The following ZYX variants were observed in gnomAD, a reference collection of about 807,000 sequenced individuals.
ZYX encodes zyxin-2.
Under a neutral mutation model 58.1 loss-of-function variants are expected in ZYX, and 37 were observed. The ratio of observed to expected loss-of-function variants is 0.64; its 90% CI spans 0.49 to 0.84. The LOEUF (loss-of-function observed/expected upper bound fraction) is 0.84. Among genes scored for constraint, ZYX ranks in the 40% least tolerant of loss-of-function variants. The probability of loss-of-function intolerance (pLI) is 0.00; values close to 1 mark genes in which losing one functional copy is unlikely to be tolerated. For missense variants in ZYX, 762 were observed against 761.6 expected (o/e 1.00, Z -0.01); for synonymous variants, 324 against 321.1 (o/e 1.01, Z -0.10).
At chr7:143,385,737 T>G (rs1396292553) in intron 5 of ZYX, among the ~76,000 whole-genome samples, 1 of 124,988 alleles carries the variant, frequency 8.0e-6, no homozygotes, top group African/African-American at 3.0e-5. Flanking sequence ...TCCGCCCCCC[T>G]GGCTCAAACG....
chr7:143,388,496 C>T lies in ZYX; in HGVS notation c.1152C>T (p.Cys384=), dbSNP rs377556976. Residue 384 remains cysteine, a synonymous_variant, in exon 7 of 10, where the codon TGC becomes TGT. Coordinates refer to ENST00000322764, the MANE Select transcript of ZYX (RefSeq NM_003461.5). This position sits in a 1 kb window ranked among gnomAD's most constrained non-coding sequence, Gnocchi z 7.5. The part of the protein sequence containing the change: ...QRQNVAVNEL[C]GRCHQPLARA... The stretch of plus-strand genomic sequence containing the variant: ...CTTCTCTGGCCTTCCCAGAACTCTG[C>T]GGCCGATGCCATCAACCCCTGGCCC... The T allele has an allele frequency of 2.8e-5, 45 of 1,609,758 alleles. No individual in the cohort carries two copies. In the African/African-American group the frequency reaches 2.9e-4, roughly 10 times the overall value.
At position 143,382,945 on chromosome 7, in the gene ZYX, G is replaced by T. The variant is rs866854302; in HGVS notation, c.646G>T (p.Ala216Ser). 1 of 1,613,706 alleles carries T rather than the reference G, an allele frequency of 6.2e-7. No homozygotes were observed. Among genetic ancestry groups the T allele is most frequent in the Non-Finnish European group, 8.5e-7 (1 of 1,179,742 alleles). Reference protein sequence around the residue: ...SQPLPQVPAPAQSQTQFHVQP... With the variant: ...SQPLPQVPAPSQSQTQFHVQP... ...GCCTCTGCCCCAGGTTCCGGCTCCGGCTCAGAGCCAGACACAGTTCCATGT... is the reference window on the plus strand; with the variant it reads ...GCCTCTGCCCCAGGTTCCGGCTCCGTCTCAGAGCCAGACACAGTTCCATGT... Residue 216 changes from alanine to serine, a missense_variant, in exon 5 of 10, where the codon GCT becomes TCT. By Grantham distance (99) the Ala-to-Ser change is moderately conservative (BLOSUM62 1). Coordinates refer to ENST00000322764, the MANE Select transcript of ZYX (RefSeq NM_003461.5).
At position 143,388,230 on chromosome 7, in the gene ZYX, TG is replaced by T; in HGVS notation, c.1039del (p.Ala347ProfsTer5). ...TGTTGGGATTGCAGGTGCGCTCCCC[TG>T]GGGCCCCAGGGCCCCTGACTCTGAA... ...AQNQNQVRSP[G>X]APGPLTLKEV... is the part of the protein sequence containing the mutation. On this transcript the variant is annotated frameshift_variant, in exon 6 of 10. Transcript: ENST00000322764. LOFTEE classifies it high-confidence loss of function. This position sits in a 1 kb window ranked among gnomAD's most constrained non-coding sequence, Gnocchi z 7.5. The T allele has an allele frequency of 6.2e-7, 1 of 1,606,948 alleles. No individual in the cohort carries two copies.
chr7:143,386,473 GGAGGTCGCGCGGGTGCTGCAGTGTTGT>G (rs1804871043), intron 5 of ZYX, among the ~76,000 whole-genome samples: 1 of 152,130 alleles, frequency 6.6e-6, no homozygotes, highest in South Asian at 2.1e-4. Flanking sequence ...AGGCTGGGCT[GGAGGTCGCGCGGGTGCTGCAGTGTTGT>G]GAGCTCACGC....
chr7:143,382,486 C>T, intron 3 of ZYX, 39 bp downstream of exon 3: 2 of 1,590,496 alleles, frequency 1.3e-6, no homozygotes, highest in South Asian at 2.2e-5. Context: ...CTGGACACCC[C>T]CAAGGAGAGG....
Position 143,381,739 on chromosome 7 carries a change from G to C in ZYX, c.168G>C (p.Gln56His). Residue 56 changes from glutamine to histidine, a missense_variant, in exon 2 of 10, where the codon CAG (glutamine) becomes CAC (histidine). Coordinates refer to ENST00000322764, the MANE Select transcript of ZYX (RefSeq NM_003461.5). ...PPPAPGAQRA[Q>H]MGRVGEIPPP... ...CGGCACCCGGGGCCCAGCGCGCACA[G>C]ATGGGCCGGGTGGGCGAGATTCCCC... is the stretch of plus-strand genomic sequence containing the variant. The C allele has an allele frequency of 1.3e-6, 2 of 1,595,316 alleles. No individual in the cohort carries two copies. The highest frequency in any genetic ancestry group is 1.7e-6 in the Non-Finnish European group (2 of 1,171,532).
chr7:143,388,698 G>T lies in ZYX; in HGVS notation c.1314+40G>T, dbSNP rs1329048949. ...GCTGGGCTGTGCTGGGCTGTGCTGGGCAGTCGGGCCCTGGAAGCTTGCTGT... is the reference window on the plus strand; with the variant it reads ...GCTGGGCTGTGCTGGGCTGTGCTGGTCAGTCGGGCCCTGGAAGCTTGCTGT... On this transcript the variant is annotated intron_variant, in intron 7 of 9. Coordinates refer to ENST00000322764, the MANE Select transcript of ZYX (RefSeq NM_003461.5). The surrounding 1 kb of genome is among the most constrained non-coding windows in gnomAD (Gnocchi z 7.5). 6.2e-7 allele frequency: 1 copy of T among 1,611,368 alleles called. No homozygotes were observed. Among genetic ancestry groups the T allele is most frequent in the Admixed American group, 1.7e-5 (1 of 59,886 alleles).
At chr7:143,386,603 C>T (rs1804875541) in intron 5 of ZYX, among the ~76,000 whole-genome samples, 1 of 151,624 alleles carries the variant, frequency 6.6e-6, no homozygotes, top group Non-Finnish European at 1.5e-5. Context: ...GAGACTGGGC[C>T]GGATAGCTGC....
At position 143,389,792 on chromosome 7, in the gene ZYX, T is replaced by TATGCGTGCG; in HGVS notation, c.1494-64_1494-56dup. On this transcript the variant is annotated intron_variant, in intron 8 of 9. Coordinates refer to ENST00000322764, the MANE Select transcript of ZYX (RefSeq NM_003461.5). The surrounding 1 kb of genome is among the most constrained non-coding windows in gnomAD (Gnocchi z 5.6). ...TGCTTCCTTGCTGCCCAACCTGGCT[T>TATGCGTGCG]ATGCGTGCGCACACCGGGGATGAAA... 1 of 1,595,398 alleles carries TATGCGTGCG rather than the reference T, an allele frequency of 6.3e-7. No homozygotes were observed. Among genetic ancestry groups the TATGCGTGCG allele is most frequent in the Non-Finnish European group, 8.5e-7 (1 of 1,172,728 alleles).
Position 143,390,189 on chromosome 7 carries a change from A to AT in ZYX, c.1614+213dup, listed in dbSNP as rs1191091890. The stretch of plus-strand genomic sequence containing the variant: ...GGGGCTTCTGAGGTCACTTTGAGTC[A>AT]TGGATAAGCCAAGAAATGGGACAAG... On this transcript the variant is annotated intron_variant, in intron 9 of 9. Transcript: ENST00000322764. This position sits in a 1 kb window ranked among gnomAD's most constrained non-coding sequence, Gnocchi z 4.3. 1 of 630,128 alleles carries AT rather than the reference A, an allele frequency of 1.6e-6. No individual in the cohort carries two copies. Among genetic ancestry groups the AT allele is most frequent in the Middle Eastern group, 4.2e-4 (1 of 2,398 alleles). The allele number at this position is 630,128 out of a possible 1,614,324, so 39.0% of individuals were successfully genotyped here.
Position 143,389,013 on chromosome 7 carries a change from C to G in ZYX, c.1493+68C>G, listed in dbSNP as rs1804973024. ...GTCTGGTAGCCCGGCTGCTTGCTAC[C>G]CTAGCCTCAGGACAGCCCCAAACCC... On this transcript the variant is annotated intron_variant, in intron 8 of 9. Coordinates refer to ENST00000322764, the MANE Select transcript of ZYX (RefSeq NM_003461.5). This position sits in a 1 kb window ranked among gnomAD's most constrained non-coding sequence, Gnocchi z 5.6. The G allele has an allele frequency of 6.5e-7, 1 of 1,540,276 alleles. No individual in the cohort carries two copies. Among genetic ancestry groups the G allele is most frequent in the Admixed American group, 1.8e-5 (1 of 55,402 alleles).
At position 143,383,041 on chromosome 7, in the gene ZYX, G is replaced by A; in HGVS notation, c.742G>A (p.Ala248Thr). 1 of 1,614,068 alleles carries A rather than the reference G, an allele frequency of 6.2e-7. No homozygotes were observed. Among genetic ancestry groups the A allele is most frequent in the South Asian group, 1.1e-5 (1 of 91,074 alleles). The stretch of plus-strand genomic sequence containing the variant: ...GTCCCAGACCCAGCCTGTGTCTTTG[G>A]CTAACACCCAGCCCCGAGGGCCCCC... ...VQSQTQPVSL[A>T]NTQPRGPPAS... is the part of the protein sequence containing the mutation. Residue 248 changes from alanine to threonine, a missense_variant, in exon 5 of 10, where the codon GCT becomes ACT. Ala to Thr is a moderately conservative substitution (Grantham distance 58, BLOSUM62 0). Transcript: ENST00000322764.
Position 143,390,059 on chromosome 7 carries a change from A to T in ZYX, c.1614+82A>T. 6.3e-7 allele frequency: 1 copy of T among 1,575,668 alleles called. No homozygotes were observed. Among genetic ancestry groups the T allele is most frequent in the Non-Finnish European group, 8.7e-7 (1 of 1,154,964 alleles). On this transcript the variant is annotated intron_variant, in intron 9 of 9. Coordinates refer to ENST00000322764, the MANE Select transcript of ZYX (RefSeq NM_003461.5). This position sits in a 1 kb window ranked among gnomAD's most constrained non-coding sequence, Gnocchi z 4.3. ...GCTGCTTACTAACTGGGAGGTGGAA[A>T]GCACCAGCATTCAGGAAACAGGGCT...
chr7:143,381,993 G>A lies in ZYX; in HGVS notation c.208+214G>A, dbSNP rs1193655449. ...AGTCCCCCGCCTGGGAGTGGGAGTC[G>A]GGAATGTGGGGCACGAATCTTCCCC... On this transcript the variant is annotated intron_variant, in intron 2 of 9. Coordinates refer to ENST00000322764, the MANE Select transcript of ZYX (RefSeq NM_003461.5). 9 of 614,080 alleles carry A rather than the reference G, an allele frequency of 1.5e-5. No individual in the cohort carries two copies. The Admixed American group carries it at 2.6e-4, about 18-fold the overall frequency. 38.0% of individuals were successfully genotyped at this position (614,080 alleles called of 1,614,324 possible).
rs1341153792 is a variant in ZYX, at chr7:143,388,029, C to T, written c.1024-190C>T. On this transcript the variant is annotated intron_variant, in intron 5 of 9. Coordinates refer to ENST00000322764, the MANE Select transcript of ZYX (RefSeq NM_003461.5). The surrounding 1 kb of genome is among the most constrained non-coding windows in gnomAD (Gnocchi z 7.5). ...ACGAGATCCAGGCTTAGGTCCCTTC[C>T]CCTGTTATTTGTGTGGTGCTGGGGA... 4.5e-6 allele frequency: 3 copies of T among 660,324 alleles called. No individual in the cohort carries two copies. The highest frequency in any genetic ancestry group is 2.5e-5 in the Admixed American group (1 of 39,966). The allele number at this position is 660,324 out of a possible 1,614,324, so 40.9% of individuals were successfully genotyped here. A position where few individuals can be genotyped will look rare whatever the true frequency, so the allele number is the denominator to read the frequency against.
At position 143,381,763 on chromosome 7, in the gene ZYX, C is replaced by A. The variant is rs371579974; in HGVS notation, c.192C>A (p.Pro64=). 92 of 1,577,230 alleles carry A rather than the reference C, an allele frequency of 5.8e-5. 1 individual carries two copies. The South Asian group carries it at 9.7e-4, about 17-fold the overall frequency. The change falls in exon 2 of 10, where the codon CCC becomes CCA. Residue 64 remains proline, a synonymous_variant. Transcript: ENST00000322764. ...RAQMGRVGEI[P]PPPPEDFPLP... is the part of the protein sequence containing the mutation. ...AGATGGGCCGGGTGGGCGAGATTCC[C>A]CCGCCGCCCCCGGAAGGTATGCGGC...
Position 143,383,242 on chromosome 7 carries a change from A to C in ZYX, c.943A>C (p.Thr315Pro), listed in dbSNP as rs548993872. Reference protein sequence around the residue: ...GTGSPQPPSFTYAQQREKPRV... With the variant: ...GTGSPQPPSFPYAQQREKPRV... ...AGGCTCCCCTCAACCTCCCAGCTTC[A>C]CCTATGCCCAGCAGAGGGAGAAGCC... Residue 315 changes from threonine (T) to proline (P), a missense_variant, in exon 5 of 10, where the codon ACC becomes CCC. Coordinates refer to ENST00000322764, the MANE Select transcript of ZYX (RefSeq NM_003461.5). 2 of 1,613,900 alleles carry C rather than the reference A, an allele frequency of 1.2e-6. No homozygotes were observed. Among genetic ancestry groups the C allele is most frequent in the East Asian group, 4.5e-5 (2 of 44,824 alleles).
chr7:143,383,221 T>C lies in ZYX; in HGVS notation c.922T>C (p.Ser308Pro), dbSNP rs915946891. 2 of 1,613,906 alleles carry C rather than the reference T, an allele frequency of 1.2e-6. No homozygotes were observed. The highest frequency in any genetic ancestry group is 1.3e-5 in the African/African-American group (1 of 74,906). ...HPEALSAGTG[S>P]PQPPSFTYAQ... Reference sequence around the variant, plus strand: ...CGAAGCTCTTTCTGCTGGCACAGGCTCCCCTCAACCTCCCAGCTTCACCTA... The same window carrying C: ...CGAAGCTCTTTCTGCTGGCACAGGCCCCCCTCAACCTCCCAGCTTCACCTA... The change falls in exon 5 of 10, where the codon TCC becomes CCC. Residue 308 changes from serine to proline, a missense_variant. Physicochemically the swap from Ser to Pro is moderately conservative, Grantham distance 74. Coordinates refer to ENST00000322764, the MANE Select transcript of ZYX (RefSeq NM_003461.5).
In ZYX at chr7:143,385,189, G is replaced by A. The variant is rs1804809872; in HGVS notation, c.1023+1867G>A. On this transcript the variant is annotated intron_variant, in intron 5 of 9. Transcript: ENST00000322764. ...CTGTTGGGAAATCATCAGCGGTCTT[G>A]GGATGGCCTGTTTGTGCCCTGTGGT... Among the ~76,000 whole-genome samples, 3 of 152,284 alleles carry A rather than the reference G, an allele frequency of 2.0e-5. No homozygotes were observed. In the South Asian group the frequency reaches 6.2e-4, roughly 32 times the overall value.
Sources: gnomAD v4.1 joint callset for allele counts (sites outside exome capture counted in the v4.1 genomes callset) on GRCh38, gnomAD v4.1.1 for gene constraint, Gnocchi (gnomAD v3.1) non-coding constraint, MANE v1.5 for transcripts, NCBI Gene and HGNC (gene_info 2026-07-23, HGNC 2026-07-21) for gene names.